ACBD6: variants seen among roughly 807,000 people sequenced by gnomAD.
The protein encoded by ACBD6 is acyl-CoA binding domain containing 6, also known as acyl-CoA-binding domain-containing protein 6.
A neutral mutation model predicts 37.2 loss-of-function variants in ACBD6; 28 were observed. That is an observed-to-expected ratio of 0.75 (90% CI 0.56 to 1.03). The LOEUF is 1.03. Ranked by LOEUF, ACBD6 falls within the 50% of genes least tolerant of loss-of-function variation. The pLI is 0.00. For missense variants in ACBD6, 340 were observed against 337.4 expected, an observed-to-expected ratio of 1.01 and a Z score of -0.06; for synonymous variants, 113 against 126.8, an observed-to-expected ratio of 0.89 and a Z score of 0.73.
intron 9 of ACBD6, chr1:180,278,108 C>T (rs1030203211): frequency 7.9e-5 from 12 of 152,234 alleles, no homozygotes; most frequent in Non-Finnish European, 1.2e-4. Context: ...ACCTACACTT[C>T]CACGTGCCAC....
chr1:180,438,911 C>A (rs556621819), intron 3 of ACBD6, among the ~76,000 whole-genome samples: 36 of 152,242 alleles, frequency 2.4e-4, no homozygotes, highest in Admixed American at 2.2e-3. Flanking sequence ...TACCTATTCA[C>A]CCTTCCCTCC....
intron 3 of ACBD6, among the ~76,000 whole-genome samples, chr1:180,475,194 TG>T (rs1238254302): frequency 2.0e-5 from 3 of 152,208 alleles, no homozygotes; most frequent in Admixed American, 2.0e-4. Flanking sequence ...ATATTTAAAT[TG>T]TACAGTTTGA....
At chr1:180,480,717 A>G (rs1263022179) in intron 3 of ACBD6, among the ~76,000 whole-genome samples, 2 of 152,192 alleles carry the variant, frequency 1.3e-5, no homozygotes, top group African/African-American at 2.4e-5. Context: ...TTTAAAAAAA[A>G]TCAGAAGATG....
At chr1:180,407,426 T>C (rs1647670553) in intron 5 of ACBD6, among the ~76,000 whole-genome samples, 1 of 152,216 alleles carries the variant, frequency 6.6e-6, no homozygotes, top group African/African-American at 2.4e-5. Context: ...ACACAAAATA[T>C]GTGTTATTTA....
chr1:180,424,716 T>C (rs1648513737), intron 4 of ACBD6, among the ~76,000 whole-genome samples: 4 of 151,154 alleles, frequency 2.6e-5, no homozygotes, highest in Admixed American at 1.3e-4. Flanking sequence ...AAAAATTAGA[T>C]GGGGTAGACA....
At chr1:180,272,082 G>A in intron 13 of ACBD6, 1 of 1,405,238 alleles carries the variant, frequency 7.1e-7, no homozygotes, top group Non-Finnish European at 9.6e-7. Flanking sequence ...GCACTCAGGA[G>A]GGATCTTTCT....
intron 3 of ACBD6, among the ~76,000 whole-genome samples, chr1:180,440,923 C>T (rs180787733): frequency 1.3e-5 from 2 of 152,234 alleles, no homozygotes; most frequent in East Asian, 3.9e-4. Flanking sequence ...ATGTATACAA[C>T]AATGCCAAAT....
chr1:180,328,181 C>CTGCTAAAT (rs1651328556), intron 6 of ACBD6, among the ~76,000 whole-genome samples: 2 of 151,670 alleles, frequency 1.3e-5, no homozygotes, highest in East Asian at 3.9e-4. Flanking sequence ...TACATTTTAT[C>CTGCTAAAT]ACACTGAATC....
chr1:180,393,496 C>T (rs1484154158), intron 6 of ACBD6, among the ~76,000 whole-genome samples: 2 of 152,084 alleles, frequency 1.3e-5, no homozygotes, highest in Non-Finnish European at 2.9e-5. Context: ...CAAATACTTC[C>T]AATAAAATTG....
At chr1:180,404,507 G>A (rs1208008021) in intron 5 of ACBD6, among the ~76,000 whole-genome samples, 1 of 151,996 alleles carries the variant, frequency 6.6e-6, no homozygotes, top group Non-Finnish European at 1.5e-5. Context: ...GCCCAGGCTG[G>A]AGTCCAGTGG....
At chr1:180,498,159 C>T (rs1651806771) in intron 1 of ACBD6, among the ~76,000 whole-genome samples, 1 of 152,192 alleles carries the variant, frequency 6.6e-6, no homozygotes, top group Non-Finnish European at 1.5e-5. Flanking sequence ...ACATTCATGA[C>T]TGTCACCACT....
intron 3 of ACBD6, among the ~76,000 whole-genome samples, chr1:180,449,569 G>A (rs769750243): frequency 2.0e-5 from 3 of 151,768 alleles, no homozygotes; most frequent in Non-Finnish European, 4.4e-5. Flanking sequence ...CACCACACCC[G>A]GCTAGTTTTT....
At chr1:180,359,929 A>G (rs538232322) in intron 6 of ACBD6, among the ~76,000 whole-genome samples, 25 of 152,334 alleles carry the variant, frequency 1.6e-4, no homozygotes, top group Non-Finnish European at 2.9e-4. Context: ...AGAAAGTGAG[A>G]TATTCCAGAT....
chr1:180,400,983 T>C (rs905980402), intron 5 of ACBD6, among the ~76,000 whole-genome samples: 4 of 152,186 alleles, frequency 2.6e-5, no homozygotes, highest in Non-Finnish European at 4.4e-5. Flanking sequence ...TTGTTTTATC[T>C]TTTTCCATGA....
At chr1:180,335,170 G>A (rs1437786655) in intron 6 of ACBD6, among the ~76,000 whole-genome samples, 4 of 152,100 alleles carry the variant, frequency 2.6e-5, no homozygotes, top group African/African-American at 9.7e-5. Flanking sequence ...ATGCCACAAA[G>A]ATACTCCTCG....
chr1:180,429,865 T>C (rs1013005723), intron 4 of ACBD6, among the ~76,000 whole-genome samples: 19 of 152,154 alleles, frequency 1.2e-4, no homozygotes, highest in South Asian at 8.3e-4. Context: ...GGGAAAGTCA[T>C]TGAATGAGAC....
chr1:180,273,573 C>A (rs1455394892), intron 11 of ACBD6: 1 of 152,464 alleles, frequency 6.6e-6, no homozygotes, highest in South Asian at 2.1e-4. Flanking sequence ...TAATGAAATT[C>A]TTTAAGAAAA....
At chr1:180,473,244 G>A (rs1468837625) in intron 3 of ACBD6, among the ~76,000 whole-genome samples, 1 of 151,968 alleles carries the variant, frequency 6.6e-6, no homozygotes, top group Non-Finnish European at 1.5e-5. Flanking sequence ...TCAGGAGATC[G>A]AGACCATCCT....
chr1:180,333,721 C>T (rs997058830), intron 6 of ACBD6, among the ~76,000 whole-genome samples: 5 of 152,202 alleles, frequency 3.3e-5, no homozygotes, highest in Non-Finnish European at 7.4e-5. Context: ...CAAGGCATCG[C>T]CTCACCCGGG....
Sources: gnomAD v4.1 joint callset for allele counts (sites outside exome capture counted in the v4.1 genomes callset) on GRCh38, gnomAD v4.1.1 for gene constraint, MANE v1.5 for transcripts, NCBI Gene and HGNC (gene_info 2026-07-23, HGNC 2026-07-21) for gene names.